The following STAB2 variants were observed in gnomAD, a reference collection of about 807,000 sequenced individuals.
The protein encoded by STAB2 is stabilin-2.
Under a neutral mutation model 338.1 loss-of-function variants are expected in STAB2, and 288 were observed. That is an observed-to-expected ratio of 0.85 (90% confidence interval 0.77 to 0.94). STAB2 has a LOEUF of 0.94. Ranked by LOEUF, STAB2 falls within the 40% of genes least tolerant of loss-of-function variation. The pLI, the probability that STAB2 is intolerant of heterozygous loss-of-function variation, is 0.00. For synonymous variants in STAB2, 1,202 were observed against 1,193.3 expected, an observed-to-expected ratio of 1.01 and a Z score of -0.15; for missense variants, 3,141 against 3,210.1, an observed-to-expected ratio of 0.98 and a Z score of 0.52.
chr12:103,688,123 G>C, intron 27 of STAB2, 45 bp from the exon 28 acceptor site: 1 of 1,574,314 alleles, frequency 6.4e-7, no homozygotes, highest in African/African-American at 1.3e-5. Context: ...CTTTCTCTGT[G>C]TTCTCTCCCA....
rs1251900278 is a variant in STAB2, at chr12:103,629,838, T to C, written c.488-1760T>C. On this transcript the variant is annotated intron_variant, in intron 5 of 68. Transcript: ENST00000388887. Reference sequence around the variant, plus strand: ...CTCTTTGATGGCAGAGACTTTGTCCTGTTTATTTTTGGGCATTAATCTCTA... The same window carrying C: ...CTCTTTGATGGCAGAGACTTTGTCCCGTTTATTTTTGGGCATTAATCTCTA... Among the ~76,000 whole-genome samples, 5 of 152,262 alleles carry C rather than the reference T, an allele frequency of 3.3e-5. No individual in the cohort carries two copies. In the East Asian group the frequency reaches 9.6e-4, roughly 29 times the overall value.
chr12:103,692,569 TTTTC>T (rs2138915841), intron 30 of STAB2, among the ~76,000 whole-genome samples: 1 of 152,094 alleles, frequency 6.6e-6, no homozygotes, highest in South Asian at 2.1e-4. Context: ...CTCTTTCTCT[TTTTC>T]TTTCTCTCTC....
chr12:103,670,586 G>T (rs1001171233), intron 21 of STAB2, 110 bp from the exon 22 acceptor site: 6 of 831,988 alleles, frequency 7.2e-6, no homozygotes, highest in Non-Finnish European at 1.2e-5. Context: ...GAGTCCCAGA[G>T]GGTCATGTCA....
At chr12:103,762,134 C>T in intron 66 of STAB2, 140 bp from the exon 67 acceptor site, 1 of 1,129,382 alleles carries the variant, frequency 8.9e-7, no homozygotes, top group Non-Finnish European at 1.3e-6. Context: ...TAGACCCTGG[C>T]AGTAATAAGG....
At chr12:103,700,137 T>C (rs1593253031) in intron 34 of STAB2, among the ~76,000 whole-genome samples, 1 of 152,358 alleles carries the variant, frequency 6.6e-6, no homozygotes, top group Admixed American at 6.5e-5. Context: ...GTGTTTACAA[T>C]TCATAGAAAA....
Position 103,595,775 on chromosome 12 carries a change from AG to A in STAB2, c.331+1266del, listed in dbSNP as rs569769893. On this transcript the variant is annotated intron_variant, in intron 3 of 68. Transcript: ENST00000388887. ...TTTCCTTTGGACTGGTAAGTGATAA[AG>A]CAAATTCAAGTTCAAAGTTGCCTGG... Among the ~76,000 whole-genome samples the A allele has an allele frequency of 3.3e-5, 5 of 152,362 alleles. No homozygotes were observed. In the South Asian group the frequency reaches 1.0e-3, roughly 32 times the overall value.
intron 5 of STAB2, 42 bp downstream of exon 5, chr12:103,622,153 G>A: frequency 6.3e-7 from 1 of 1,599,062 alleles, no homozygotes. Flanking sequence ...TGTAAGGGTT[G>A]ACAGTCCATG....
intron 39 of STAB2, among the ~76,000 whole-genome samples, chr12:103,711,034 G>T (rs1879807381): frequency 2.0e-5 from 3 of 152,100 alleles, no homozygotes; most frequent in South Asian, 2.1e-4. Flanking sequence ...TTATAGTTTT[G>T]CTTGTTTACA....
At chr12:103,590,123 T>C (rs1233274409) in intron 1 of STAB2, among the ~76,000 whole-genome samples, 1 of 152,204 alleles carries the variant, frequency 6.6e-6, no homozygotes, top group Non-Finnish European at 1.5e-5. Flanking sequence ...CTCGGCATTA[T>C]GAGCAACAGG....
chr12:103,753,458 G>A, intron 61 of STAB2, 105 bp downstream of exon 61: 1 of 1,495,724 alleles, frequency 6.7e-7, no homozygotes, highest in East Asian at 2.3e-5. Context: ...TCAAGCAAGG[G>A]AGTGCAGGTA....
Position 103,711,470 on chromosome 12 carries a change from G to A in STAB2, c.4289-1G>A, listed in dbSNP as rs745661026. ...AGACAGCAACTGGTTCTCTTTTTCA[G>A]CAACCACAGAAGACAACTGCAATGG... On this transcript the variant is annotated splice_acceptor_variant, in intron 39 of 68. Coordinates refer to ENST00000388887, the MANE Select transcript of STAB2 (RefSeq NM_017564.10). LOFTEE classifies it high-confidence loss of function. 6.2e-7 allele frequency: 1 copy of A among 1,614,056 alleles called. No individual in the cohort carries two copies. Among genetic ancestry groups the A allele is most frequent in the Non-Finnish European group, 8.5e-7 (1 of 1,180,010 alleles).
At chr12:103,756,996 A>AAAAAAAAAAT (rs1215468922) in intron 63 of STAB2, among the ~76,000 whole-genome samples, 3 of 56,380 alleles carry the variant, frequency 5.3e-5, no homozygotes, top group African/African-American at 3.1e-4. Context: ...AAGGAGGGAA[A>AAAAAAAAAAT]ATATATATAT....
rs539170065 is a variant in STAB2, at chr12:103,724,671, T to C, written c.4684-304T>C. On this transcript the variant is annotated intron_variant, in intron 44 of 68. Coordinates refer to ENST00000388887, the MANE Select transcript of STAB2 (RefSeq NM_017564.10). Reference sequence around the variant, plus strand: ...GCTGGGAAGTATCAAACAGGTGGGGTCTTCCTAGTTAATACCTGGATGCTG... The same window carrying C: ...GCTGGGAAGTATCAAACAGGTGGGGCCTTCCTAGTTAATACCTGGATGCTG... 3.3e-5 allele frequency among the ~76,000 whole-genome samples: 5 copies of C among 152,192 alleles called. No homozygotes were observed. In the South Asian group the frequency reaches 1.0e-3, roughly 32 times the overall value.
At chr12:103,626,940 G>A (rs565586514) in intron 5 of STAB2, among the ~76,000 whole-genome samples, 10 of 152,266 alleles carry the variant, frequency 6.6e-5, no homozygotes, top group South Asian at 4.1e-4. Flanking sequence ...TGCAAAGCCC[G>A]TTTTCTCTAA....
In STAB2 at chr12:103,755,734, G is replaced by T; in HGVS notation, c.6987+16G>T. ...CTTCCTGACGGTATGTACCATGTCT[G>T]CTTGGTTTGCCTCAGGCAGGGAGGG... On this transcript the variant is annotated intron_variant, in intron 63 of 68. Transcript: ENST00000388887. 6.2e-7 allele frequency: 1 copy of T among 1,613,330 alleles called. No homozygotes were observed. Among genetic ancestry groups the T allele is most frequent in the Non-Finnish European group, 8.5e-7 (1 of 1,179,406 alleles).
intron 33 of STAB2, among the ~76,000 whole-genome samples, chr12:103,697,642 C>T (rs1188751530): frequency 6.6e-6 from 1 of 152,208 alleles, no homozygotes; most frequent in African/African-American, 2.4e-5. Context: ...GAAAACATCT[C>T]GGTCCTTGAA....
At chr12:103,624,425 C>T in intron 5 of STAB2, among the ~76,000 whole-genome samples, 1 of 152,170 alleles carries the variant, frequency 6.6e-6, no homozygotes, top group Admixed American at 6.5e-5. Context: ...CAGCTCTAGG[C>T]CTGCTAATCA....
At chr12:103,656,087 C>A (rs1874157761) in intron 15 of STAB2, among the ~76,000 whole-genome samples, 1 of 152,234 alleles carries the variant, frequency 6.6e-6, no homozygotes, top group African/African-American at 2.4e-5. Context: ...CTCTCACATT[C>A]TCCTCTAAAA....
At chr12:103,618,955 T>A (rs1200542750) in intron 3 of STAB2, among the ~76,000 whole-genome samples, 2 of 152,164 alleles carry the variant, frequency 1.3e-5, no homozygotes, top group African/African-American at 2.4e-5. Context: ...TCTCACGACA[T>A]CTGATGGTTT....
Sources: allele counts gnomAD v4.1 joint callset (sites outside exome capture counted in the v4.1 genomes callset), GRCh38; gene constraint gnomAD v4.1.1; transcripts MANE v1.5; gene names NCBI Gene and HGNC (gene_info 2026-07-23, HGNC 2026-07-21).